BNC2: variants seen among roughly 807,000 people sequenced by gnomAD.
BNC2 encodes the protein basonuclin zinc finger protein 2.
Under a neutral mutation model 76.3 loss-of-function variants are expected in BNC2, and 20 were observed. That is an observed-to-expected ratio of 0.26 (90% CI 0.18 to 0.38). BNC2 has a LOEUF of 0.38. BNC2 is among the 10% of genes least tolerant of loss of function. The probability of loss-of-function intolerance (pLI) is 1.00; values close to 1 mark genes in which losing one functional copy is unlikely to be tolerated. For missense variants in BNC2, 1,382 were observed against 1,399.8 expected (o/e 0.99, Z 0.20); for synonymous variants, 582 against 514.8 (o/e 1.13, Z -1.77).
intron 1 of BNC2, among the ~76,000 whole-genome samples, chr9:16,780,235 C>CAA (rs372583425): frequency 0.4 from 26,176 of 65,324 alleles, 6,034 homozygotes; most frequent in Non-Finnish European, 0.55. Flanking sequence ...GACTTCGTTT[C>CAA]AAAAAAAAAA....
intron 3 of BNC2, among the ~76,000 whole-genome samples, chr9:16,594,764 G>T (rs1051038422): frequency 6.6e-6 from 1 of 152,074 alleles, no homozygotes; most frequent in African/African-American, 2.4e-5. Flanking sequence ...GAGGCTCTGA[G>T]ATGTCCCTAA....
intron 1 of BNC2, among the ~76,000 whole-genome samples, chr9:16,808,463 G>A (rs1817964660): frequency 7.6e-6 from 1 of 131,906 alleles, no homozygotes; most frequent in South Asian, 2.6e-4. Context: ...TATCCTAGTT[G>A]TGTGATCTTG....
intron 3 of BNC2, among the ~76,000 whole-genome samples, chr9:16,701,259 C>G (rs1823502937): frequency 6.6e-6 from 1 of 152,186 alleles, no homozygotes; most frequent in Non-Finnish European, 1.5e-5. Flanking sequence ...GTGGTTTCTA[C>G]AACTAACTTT....
chr9:16,753,315 G>A (rs1428974482), intron 1 of BNC2, among the ~76,000 whole-genome samples: 1 of 152,166 alleles, frequency 6.6e-6, no homozygotes, highest in Non-Finnish European at 1.5e-5. Flanking sequence ...ACAGCTGGCA[G>A]AATAAATTAC....
intron 3 of BNC2, among the ~76,000 whole-genome samples, chr9:16,660,710 T>C (rs1822086852): frequency 1.3e-5 from 2 of 152,082 alleles, no homozygotes; most frequent in Admixed American, 1.3e-4. Context: ...GGGTTCTGCA[T>C]CCATGAATTC....
chr9:16,475,705 G>T (rs1469851242), intron 5 of BNC2, among the ~76,000 whole-genome samples: 5 of 152,110 alleles, frequency 3.3e-5, no homozygotes, highest in Non-Finnish European at 7.3e-5. Flanking sequence ...CAGATTGCAG[G>T]TTGGGAATAC....
intron 3 of BNC2, among the ~76,000 whole-genome samples, chr9:16,638,060 A>T (rs1821380110): frequency 6.6e-6 from 1 of 152,216 alleles, no homozygotes; most frequent in Non-Finnish European, 1.5e-5. Flanking sequence ...TCCGCCTCCT[A>T]AATTTTAAAT....
intron 3 of BNC2, among the ~76,000 whole-genome samples, chr9:16,597,797 A>G (rs1820133501): frequency 6.6e-6 from 1 of 152,018 alleles, no homozygotes; most frequent in South Asian, 2.1e-4. Context: ...GCTAGTTGTG[A>G]TTTAAAATAT....
chr9:16,689,029 G>A (rs886321351), intron 3 of BNC2, among the ~76,000 whole-genome samples: 2 of 152,054 alleles, frequency 1.3e-5, no homozygotes, highest in African/African-American at 4.8e-5. Flanking sequence ...GAGGGCCAGT[G>A]GGCATTCACT....
chr9:16,835,458 G>A (rs183937954), intron 1 of BNC2, among the ~76,000 whole-genome samples: 1 of 152,134 alleles, frequency 6.6e-6, no homozygotes, highest in Non-Finnish European at 1.5e-5. Context: ...CAGCACTTTG[G>A]GAGGCCGAGG....
At chr9:16,668,967 T>G (rs78225101) in intron 3 of BNC2, among the ~76,000 whole-genome samples, 3,514 of 152,276 alleles carry the variant, frequency 0.023, 76 homozygotes, top group East Asian at 0.1. Flanking sequence ...GACGCAGTGC[T>G]TTACTGTTCC....
intron 3 of BNC2, among the ~76,000 whole-genome samples, chr9:16,641,184 T>A (rs1273535374): frequency 6.6e-6 from 1 of 152,200 alleles, no homozygotes; most frequent in African/African-American, 2.4e-5. Context: ...ATTACTTTTT[T>A]AAATCCCTGC....
At chr9:16,776,243 C>T (rs566243060) in intron 1 of BNC2, among the ~76,000 whole-genome samples, 2 of 152,060 alleles carry the variant, frequency 1.3e-5, no homozygotes, top group South Asian at 2.1e-4. Context: ...TGGGTTCAAG[C>T]GATTCTCCTC....
chr9:16,497,978 G>GGTGTATGT (rs1554653611), intron 5 of BNC2, among the ~76,000 whole-genome samples: 1 of 134,840 alleles, frequency 7.4e-6, no homozygotes. Context: ...AAGAAACTGT[G>GGTGTATGT]GTGTGTGTGT....
intron 6 of BNC2, chr9:16,431,505 T>C (rs149226468): frequency 1.5e-4 from 69 of 468,820 alleles, no homozygotes; most frequent in African/African-American, 1.3e-3. Context: ...AGATTTCATA[T>C]GTATACTTCA....
At chr9:16,723,619 T>C (rs956032377) in intron 3 of BNC2, among the ~76,000 whole-genome samples, 2 of 152,162 alleles carry the variant, frequency 1.3e-5, no homozygotes, top group African/African-American at 4.8e-5. Context: ...AGCACTGTTT[T>C]AAATGGATTC....
In BNC2 at chr9:16,504,179, T is replaced by A. The variant is rs1318076523; in HGVS notation, c.669+48351A>T. On this transcript the variant is annotated intron_variant, in intron 5 of 6. Coordinates refer to ENST00000380672, the MANE Select transcript of BNC2 (RefSeq NM_017637.6). ...ATAAGGATTATTTTCCTACACTGTA[T>A]GTGAAAATGCTTATAAAGATAAGTA... Among the ~76,000 whole-genome samples, 31 of 152,144 alleles carry A rather than the reference T, an allele frequency of 2.0e-4. 1 individual carries two copies. The highest frequency in any genetic ancestry group is 2.0e-3 in the Admixed American group (31 of 15,270).
At chr9:16,598,029 G>A (rs1227845064) in intron 3 of BNC2, among the ~76,000 whole-genome samples, 1 of 152,058 alleles carries the variant, frequency 6.6e-6, no homozygotes, top group Non-Finnish European at 1.5e-5. Flanking sequence ...CATGCCTGAA[G>A]AGTAAGAACC....
intron 3 of BNC2, among the ~76,000 whole-genome samples, chr9:16,704,511 C>A (rs1018626642): frequency 7.3e-5 from 11 of 151,490 alleles, no homozygotes; most frequent in Admixed American, 5.9e-4. Flanking sequence ...ACACTGAAAA[C>A]CTTTGGCTGC....
Sources: gnomAD v4.1 joint callset for allele counts (sites outside exome capture counted in the v4.1 genomes callset) on GRCh38, gnomAD v4.1.1 for gene constraint, MANE v1.5 for transcripts, NCBI Gene and HGNC (gene_info 2026-07-23, HGNC 2026-07-21) for gene names.